SIRPG: variants seen among roughly 807,000 people sequenced by gnomAD.
The protein encoded by SIRPG is signal-regulatory protein gamma.
Under a neutral mutation model 35.7 loss-of-function variants are expected in SIRPG, and 38 were observed. The ratio of observed to expected loss-of-function variants is 1.06; its 90% CI spans 0.82 to 1.40. The LOEUF (loss-of-function observed/expected upper bound fraction) is 1.40. SIRPG is among the 40% of genes most tolerant of loss of function. The pLI is 0.00. For synonymous variants in SIRPG, 215 were observed against 190.4 expected (o/e 1.13, Z -1.06); for missense variants, 519 against 483.0 (o/e 1.07, Z -0.70).
chr20:1,634,308 A>G (rs1440054932), intron 4 of SIRPG, among the ~76,000 whole-genome samples: 6 of 149,278 alleles, frequency 4.0e-5, no homozygotes, highest in Non-Finnish European at 7.4e-5. Flanking sequence ...CTGGGTTCAC[A>G]CCATTCTCCT....
chr20:1,639,168 T>C (rs2091830104), intron 2 of SIRPG, among the ~76,000 whole-genome samples: 1 of 152,204 alleles, frequency 6.6e-6, no homozygotes, highest in Admixed American at 6.5e-5. Flanking sequence ...ATGGTATCTC[T>C]GGTTCTTGAT....
the SIRPG span, among the ~76,000 whole-genome samples, chr20:1,668,150 T>TTTTTCTTTTCTTTTCTTTTC: frequency 2.7e-5 from 3 of 113,106 alleles, no homozygotes; most frequent in Admixed American, 9.1e-5. Context: ...TTCTTTTCTT[T>TTTTTCTTTTCTTTTCTTTTC]TTTTCTTTTC....
chr20:1,659,645 A>C (rs2091991037), upstream of SIRPG, among the ~76,000 whole-genome samples: 1 of 152,240 alleles, frequency 6.6e-6, no homozygotes, highest in Non-Finnish European at 1.5e-5. Context: ...CCCGAGGCAC[A>C]TGGAGAGTAA....
chr20:1,650,004 G>GTATA (rs71193923), intron 1 of SIRPG, among the ~76,000 whole-genome samples: 2,968 of 98,784 alleles, frequency 0.03, 116 homozygotes, highest in Middle Eastern at 0.068. Context: ...TTTGAAGTGT[G>GTATA]TATATATATA....
chr20:1,657,730 A>G lies in SIRPG; in HGVS notation c.-16T>C. On this transcript the variant is annotated 5_prime_UTR_variant, in exon 1 of 6. Transcript: ENST00000303415. ...GGACAGGCATTTTGGAGACCTCAGA[A>G]GCCTGCTCTGTTCAAACGTCTGTTC... The G allele has an allele frequency of 6.2e-7, 1 of 1,613,098 alleles. No homozygotes were observed. The highest frequency in any genetic ancestry group is 8.5e-7 in the Non-Finnish European group (1 of 1,179,132).
intron 2 of SIRPG, among the ~76,000 whole-genome samples, chr20:1,644,534 G>A (rs2091882296): frequency 1.3e-5 from 2 of 152,106 alleles, no homozygotes; most frequent in Admixed American, 6.5e-5. Context: ...TATCTCCCAA[G>A]GAGCTCAGAT....
At chr20:1,667,637 AT>A in the SIRPG span, among the ~76,000 whole-genome samples, 1 of 152,204 alleles carries the variant, frequency 6.6e-6, no homozygotes, top group South Asian at 2.1e-4. Context: ...GGAGTCTTCA[AT>A]GATTATTCAT....
chr20:1,664,232 G>T, the SIRPG span, among the ~76,000 whole-genome samples: 1 of 152,148 alleles, frequency 6.6e-6, no homozygotes, highest in South Asian at 2.1e-4. Context: ...CTCTAACATA[G>T]GGGATCAAAT....
the SIRPG span, among the ~76,000 whole-genome samples, chr20:1,675,265 T>G: frequency 8.7e-4 from 132 of 152,248 alleles, no homozygotes; most frequent in Admixed American, 8.6e-3. Flanking sequence ...AGGCCCGACT[T>G]TGCTCCACAG....
chr20:1,631,736 T>C (rs2091752139), intron 4 of SIRPG, among the ~76,000 whole-genome samples: 1 of 152,132 alleles, frequency 6.6e-6, no homozygotes. Flanking sequence ...TGGGATGCAA[T>C]TGATAAAACT....
At chr20:1,674,542 C>T in the SIRPG span, among the ~76,000 whole-genome samples, 6 of 152,144 alleles carry the variant, frequency 3.9e-5, no homozygotes, top group Non-Finnish European at 7.4e-5. Flanking sequence ...TACCAGAGCC[C>T]GGAAGTGGCC....
intron 1 of SIRPG, among the ~76,000 whole-genome samples, chr20:1,654,400 C>T (rs1377370508): frequency 6.6e-6 from 1 of 152,170 alleles, no homozygotes. Context: ...CACATTCACA[C>T]TCAATTGACT....
chr20:1,640,163 G>A (rs1466717049), intron 2 of SIRPG, among the ~76,000 whole-genome samples: 1 of 152,042 alleles, frequency 6.6e-6, no homozygotes, highest in Non-Finnish European at 1.5e-5. Context: ...TGTGAAGAAT[G>A]TCAATGGTAA....
chr20:1,664,781 T>C, the SIRPG span, among the ~76,000 whole-genome samples: 1 of 152,210 alleles, frequency 6.6e-6, no homozygotes, highest in Non-Finnish European at 1.5e-5. Flanking sequence ...GACAGGCAGC[T>C]CTGAGATAGG....
the SIRPG span, among the ~76,000 whole-genome samples, chr20:1,678,996 T>C: frequency 1.3e-5 from 2 of 152,176 alleles, no homozygotes; most frequent in Non-Finnish European, 2.9e-5. Context: ...CAAACATCCT[T>C]CAAACACAAG....
intron 1 of SIRPG, among the ~76,000 whole-genome samples, chr20:1,654,920 G>A (rs534625605): frequency 1.2e-4 from 19 of 152,122 alleles, no homozygotes; most frequent in South Asian, 4.1e-4. Context: ...GCAAGTCAGC[G>A]TATAAAAAAA....
upstream of SIRPG, among the ~76,000 whole-genome samples, chr20:1,659,930 T>C (rs1470477975): frequency 1.3e-5 from 2 of 152,096 alleles, no homozygotes; most frequent in East Asian, 3.9e-4. Context: ...CACCAAAGAT[T>C]TGAGGAACAG....
chr20:1,638,824 T>C (rs1015016539), intron 2 of SIRPG, among the ~76,000 whole-genome samples: 1 of 138,754 alleles, frequency 7.2e-6, no homozygotes, highest in African/African-American at 2.6e-5. Context: ...CCTGCGTCCA[T>C]GTGTTCACAT....
the SIRPG span, among the ~76,000 whole-genome samples, chr20:1,668,214 T>TCTTTCTTTCTTC: frequency 2.0e-5 from 1 of 49,190 alleles, no homozygotes; most frequent in Non-Finnish European, 5.2e-5. Context: ...TTTCTTTCTT[T>TCTTTCTTTCTTC]CTTTCTTTCT....
Sources: allele counts gnomAD v4.1 joint callset (sites outside exome capture counted in the v4.1 genomes callset), GRCh38; gene constraint gnomAD v4.1.1; transcripts MANE v1.5; gene names NCBI Gene and HGNC (gene_info 2026-07-23, HGNC 2026-07-21).